The following OR9A4 variants were observed in gnomAD, a reference collection of about 807,000 sequenced individuals.
OR9A4 encodes the protein olfactory receptor family 9 subfamily A member 4.
Under a neutral mutation model 17.1 loss-of-function variants are expected in OR9A4, and 16 were observed. The ratio of observed to expected loss-of-function variants is 0.94; its 90% CI spans 0.64 to 1.43. The LOEUF (loss-of-function observed/expected upper bound fraction) is 1.43. Ranked by LOEUF, OR9A4 falls within the 40% of genes most tolerant of loss-of-function variation. The pLI, the probability that OR9A4 is intolerant of heterozygous loss-of-function variation, is 0.00. For synonymous variants in OR9A4, 167 were observed against 143.3 expected, an observed-to-expected ratio of 1.17 and a Z score of -1.18; for missense variants, 392 against 382.1, an observed-to-expected ratio of 1.03 and a Z score of -0.22.
Position 141,919,056 on chromosome 7 carries a change from T to A in OR9A4, c.181T>A (p.Phe61Ile), listed in dbSNP as rs782256099. 2 of 1,614,160 alleles carry A rather than the reference T, an allele frequency of 1.2e-6. No homozygotes were observed. The highest frequency in any genetic ancestry group is 2.2e-5 in the South Asian group (2 of 91,078). ...DKRLQSPMYF[F>I]LGHLSALEIL... ...ACGTCTGCAGTCCCCCATGTATTTC[T>A]TCCTCGGCCACCTCTCTGCCCTGGA... Residue 61 changes from phenylalanine (F) to isoleucine (I), a missense_variant, in exon 2 of 2, where the codon TTC becomes ATC. Physicochemically the swap from Phe to Ile is conservative, Grantham distance 21. Coordinates refer to ENST00000641559, the MANE Select transcript of OR9A4 (RefSeq NM_001001656.3).
In OR9A4 at chr7:141,919,008, AT is replaced by A; in HGVS notation, c.134del (p.Ile45ThrfsTer2). On this transcript the variant is annotated frameshift_variant, in exon 2 of 2. Coordinates refer to ENST00000641559, the MANE Select transcript of OR9A4 (RefSeq NM_001001656.3). LOFTEE classifies it high-confidence loss of function. Reference protein sequence around the residue: ...LVTLMGNTVIIMIVCVDKRLQ... With the variant: ...LVTLMGNTVIXMIVCVDKRLQ... ...GACATTAATGGGAAACACAGTCATC[AT>A]CATGATTGTCTGTGTGGATAAACGT... 6.2e-7 allele frequency: 1 copy of A among 1,614,182 alleles called. No homozygotes were observed. Among genetic ancestry groups the A allele is most frequent in the Non-Finnish European group, 8.5e-7 (1 of 1,180,022 alleles).
At position 141,919,643 on chromosome 7, in the gene OR9A4, G is replaced by C. The variant is rs1554439141; in HGVS notation, c.768G>C (p.Leu256Phe). The C allele has an allele frequency of 6.2e-7, 1 of 1,614,138 alleles. No individual in the cohort carries two copies. The highest frequency in any genetic ancestry group is 8.5e-7 in the Non-Finnish European group (1 of 1,180,038). The change falls in exon 2 of 2, where the codon TTG (leucine) becomes TTC (phenylalanine). Residue 256 changes from leucine (L) to phenylalanine (F), a missense_variant. Coordinates refer to ENST00000641559, the MANE Select transcript of OR9A4 (RefSeq NM_001001656.3). ...TCVVIGYGSC[L>F]FLYVKPKQTQ... ...TTGTGATTGGCTACGGCAGCTGCTT[G>C]TTTCTCTACGTGAAACCCAAGCAAA...
rs782055906 is a variant in OR9A4, at chr7:141,918,855, G to A, written c.-21G>A. 28 of 1,525,798 alleles carry A rather than the reference G, an allele frequency of 1.8e-5. No individual in the cohort carries two copies. In the African/African-American group the frequency reaches 3.7e-4, roughly 20 times the overall value. 94.5% of individuals were successfully genotyped at this position (1,525,798 alleles called of 1,614,324 possible). A position where few individuals can be genotyped will look rare whatever the true frequency, so the allele number is the denominator to read the frequency against. On this transcript the variant is annotated 5_prime_UTR_variant, in exon 2 of 2. Transcript: ENST00000641559. ...CTCTTTTGCTCTCTAGATTTCACAA[G>A]GAACAAGGGCTTAGAACTAAATGTT...
At chr7:141,918,526 G>A (rs1802222748) in intron 1 of OR9A4, among the ~76,000 whole-genome samples, 1 of 152,206 alleles carries the variant, frequency 6.6e-6, no homozygotes, top group African/African-American at 2.4e-5. Context: ...TGAACACATT[G>A]TGATCATGGA....
chr7:141,919,289 A>G lies in OR9A4; in HGVS notation c.414A>G (p.Arg138=), dbSNP rs1563069868. 6.2e-7 allele frequency: 1 copy of G among 1,613,428 alleles called. No individual in the cohort carries two copies. Among genetic ancestry groups the G allele is most frequent in the Non-Finnish European group, 8.5e-7 (1 of 1,179,466 alleles). The change falls in exon 2 of 2, where the codon AGA becomes AGG. Residue 138 remains arginine, a synonymous_variant. Coordinates refer to ENST00000641559, the MANE Select transcript of OR9A4 (RefSeq NM_001001656.3). ...NPLRYNIIMN[R]HTCNFVVLVS... ...TGAGGTACAACATCATTATGAACAGACACACCTGCAACTTTGTGGTTCTTG... is the reference window on the plus strand; with the variant it reads ...TGAGGTACAACATCATTATGAACAGGCACACCTGCAACTTTGTGGTTCTTG...
intron 1 of OR9A4, among the ~76,000 whole-genome samples, chr7:141,918,608 G>C (rs1169721889): frequency 1.3e-5 from 2 of 152,160 alleles, no homozygotes; most frequent in African/African-American, 4.8e-5. Flanking sequence ...GTGCATACTA[G>C]GGTGGGTGGG....
Position 141,920,088 on chromosome 7 carries a change from A to C in OR9A4, c.*268A>C. The C allele has an allele frequency of 2.9e-6, 1 of 341,180 alleles. No homozygotes were observed. The highest frequency in any genetic ancestry group is 5.3e-6 in the Non-Finnish European group (1 of 186,946). 21.1% of individuals were successfully genotyped at this position (341,180 alleles called of 1,614,324 possible). On this transcript the variant is annotated 3_prime_UTR_variant, in exon 2 of 2. Coordinates refer to ENST00000641559, the MANE Select transcript of OR9A4 (RefSeq NM_001001656.3). ...TAAGATATGATGATTTCACAATTAA[A>C]CTTTGAAAAATTAAATGTCAGAGAT...
Position 141,919,601 on chromosome 7 carries a change from C to T in OR9A4, c.726C>T (p.Ala242=). ...SGRRKSFSTC[A]SHFTCVVIGY... ...GGAGGAAATCCTTCTCCACTTGTGCCTCCCACTTCACCTGTGTTGTGATTG... is the reference window on the plus strand; with the variant it reads ...GGAGGAAATCCTTCTCCACTTGTGCTTCCCACTTCACCTGTGTTGTGATTG... Residue 242 remains alanine (A), a synonymous_variant, in exon 2 of 2, where the codon GCC becomes GCT. Transcript: ENST00000641559. The T allele has an allele frequency of 6.2e-7, 1 of 1,614,182 alleles. No individual in the cohort carries two copies.
At position 141,920,107 on chromosome 7, in the gene OR9A4, C is replaced by G. The variant is rs1802257869; in HGVS notation, c.*287C>G. On this transcript the variant is annotated 3_prime_UTR_variant, in exon 2 of 2. Transcript: ENST00000641559. ...AATTAAACTTTGAAAAATTAAATGTCAGAGATAGACTATCTATATAGTCTA... is the reference window on the plus strand; with the variant it reads ...AATTAAACTTTGAAAAATTAAATGTGAGAGATAGACTATCTATATAGTCTA... 3.3e-6 allele frequency: 1 copy of G among 307,686 alleles called. No individual in the cohort carries two copies. Among genetic ancestry groups the G allele is most frequent in the South Asian group, 5.9e-5 (1 of 16,902 alleles). The allele number at this position is 307,686 out of a possible 1,614,324, so 19.1% of individuals were successfully genotyped here.
rs782343647 is a variant in OR9A4, at chr7:141,919,632, G to T, written c.757G>T (p.Gly253Cys). 6.2e-7 allele frequency: 1 copy of T among 1,614,086 alleles called. No individual in the cohort carries two copies. Among genetic ancestry groups the T allele is most frequent in the Non-Finnish European group, 8.5e-7 (1 of 1,180,024 alleles). The change falls in exon 2 of 2, where the codon GGC becomes TGC. Residue 253 changes from glycine (G) to cysteine (C), a missense_variant. Coordinates refer to ENST00000641559, the MANE Select transcript of OR9A4 (RefSeq NM_001001656.3). ...SHFTCVVIGYGSCLFLYVKPK... is the reference protein window; with the variant it reads ...SHFTCVVIGYCSCLFLYVKPK... ...CTTCACCTGTGTTGTGATTGGCTAC[G>T]GCAGCTGCTTGTTTCTCTACGTGAA... is the stretch of plus-strand genomic sequence containing the variant.
Position 141,918,843 on chromosome 7 carries a change from T to G in OR9A4, c.-30-3T>G. 1 of 1,483,932 alleles carries G rather than the reference T, an allele frequency of 6.7e-7. No homozygotes were observed. The highest frequency in any genetic ancestry group is 9.2e-7 in the Non-Finnish European group (1 of 1,087,740). The allele number at this position is 1,483,932 out of a possible 1,614,324, so 91.9% of individuals were successfully genotyped here. ...CGGTTGTTCTCTCTCTTTTGCTCTC[T>G]AGATTTCACAAGGAACAAGGGCTTA... On this transcript the variant is annotated splice_region_variant and splice_polypyrimidine_tract_variant and intron_variant, in intron 1 of 1. Coordinates refer to ENST00000641559, the MANE Select transcript of OR9A4 (RefSeq NM_001001656.3).
At position 141,919,756 on chromosome 7, in the gene OR9A4, A is replaced by G; in HGVS notation, c.881A>G (p.Asn294Ser). ...FLNPFIFTLRNDKVIEALRDG... is the reference protein window; with the variant it reads ...FLNPFIFTLRSDKVIEALRDG... ...AATCCTTTCATCTTCACCCTCCGGA[A>G]TGATAAAGTCATAGAGGCCCTTCGG... is the stretch of plus-strand genomic sequence containing the variant. The change falls in exon 2 of 2, where the codon AAT becomes AGT. Residue 294 changes from asparagine (N) to serine (S), a missense_variant. Asn to Ser is a conservative substitution (Grantham distance 46, BLOSUM62 1). Transcript: ENST00000641559. The G allele has an allele frequency of 6.2e-7, 1 of 1,614,176 alleles. No homozygotes were observed.
At chr7:141,917,409 C>G (rs1373835992) in intron 1 of OR9A4, among the ~76,000 whole-genome samples, 5 of 152,152 alleles carry the variant, frequency 3.3e-5, no homozygotes, top group Non-Finnish European at 7.3e-5. Context: ...CTAAGGAGTT[C>G]AGAGTGATCC....
rs1554439116 is a variant in OR9A4 at position 141,919,536 on chromosome 7, A to C, written c.661A>C (p.Ile221Leu). The C allele has an allele frequency of 6.2e-7, 1 of 1,614,048 alleles. No homozygotes were observed. Among genetic ancestry groups the C allele is most frequent in the Non-Finnish European group, 8.5e-7 (1 of 1,180,020 alleles). Residue 221 changes from isoleucine (I) to leucine (L), a missense_variant, in exon 2 of 2, where the codon ATC (isoleucine) becomes CTC (leucine). Physicochemically the swap from Ile to Leu is conservative, Grantham distance 5. Coordinates refer to ENST00000641559, the MANE Select transcript of OR9A4 (RefSeq NM_001001656.3). ...LIPTIVSNAY[I>L]ISTILKIPSS... ...CCCTACAATTGTCTCCAACGCCTAC[A>C]TCATCTCCACCATTCTCAAGATCCC...
chr7:141,916,618 C>T lies in OR9A4; in HGVS notation c.-49C>T, dbSNP rs1387821269. On this transcript the variant is annotated 5_prime_UTR_variant, in exon 1 of 2. Transcript: ENST00000641559. ...CTGGGGAGCAGTAGAACTTTCCAGTCCAGGCTGCTTCTCCGGAGGTGAGTG... is the reference window on the plus strand; with the variant it reads ...CTGGGGAGCAGTAGAACTTTCCAGTTCAGGCTGCTTCTCCGGAGGTGAGTG... 6.6e-6 allele frequency: 1 copy of T among 152,302 alleles called. No individual in the cohort carries two copies. The highest frequency in any genetic ancestry group is 6.5e-5 in the Admixed American group (1 of 15,286). 9.4% of individuals were successfully genotyped at this position (152,302 alleles called of 1,614,324 possible). A position where few individuals can be genotyped will look rare whatever the true frequency, so the allele number is the denominator to read the frequency against.
intron 1 of OR9A4, among the ~76,000 whole-genome samples, chr7:141,917,042 TTAATC>T (rs1476383364): frequency 2.0e-5 from 3 of 152,180 alleles, no homozygotes; most frequent in Non-Finnish European, 4.4e-5. Context: ...TTTTTTTTCT[TTAATC>T]TATTCATTGA....
chr7:141,918,142 T>G (rs1436218412), intron 1 of OR9A4, among the ~76,000 whole-genome samples: 2 of 152,224 alleles, frequency 1.3e-5, no homozygotes, highest in Non-Finnish European at 2.9e-5. Context: ...TTTATTTATT[T>G]ATTTTTTGAG....
Position 141,919,392 on chromosome 7 carries a change from G to A in OR9A4, c.517G>A (p.Val173Met), listed in dbSNP as rs782548199. The change falls in exon 2 of 2, where the codon GTG (valine) becomes ATG (methionine). Residue 173 changes from valine to methionine, a missense_variant. Coordinates refer to ENST00000641559, the MANE Select transcript of OR9A4 (RefSeq NM_001001656.3). ...TCAGCTTACTTACTGCAAATCAAAT[G>A]TGGTGAACAATTTTTTTTGTGACCG... ...MFQLTYCKSN[V>M]VNNFFCDRGQ... 6.2e-7 allele frequency: 1 copy of A among 1,614,082 alleles called. No individual in the cohort carries two copies. The highest frequency in any genetic ancestry group is 1.1e-5 in the South Asian group (1 of 91,080).
At chr7:141,917,536 G>A (rs76705892) in intron 1 of OR9A4, among the ~76,000 whole-genome samples, 2,503 of 152,258 alleles carry the variant, frequency 0.016, 75 homozygotes, top group South Asian at 0.11. Context: ...CTGAGACCAT[G>A]GCAAGTTGGA....
Sources: allele counts gnomAD v4.1 joint callset (sites outside exome capture counted in the v4.1 genomes callset), GRCh38; gene constraint gnomAD v4.1.1; transcripts MANE v1.5; gene names NCBI Gene and HGNC (gene_info 2026-07-23, HGNC 2026-07-21).